FGF14: variants seen among roughly 807,000 people sequenced by gnomAD.
FGF14 encodes fibroblast growth factor 14, also known as fibroblast growth factor homologous factor 4.
FGF14 carries 5 observed loss-of-function variants against 25.5 expected under a neutral mutation model. The observed-to-expected ratio is 0.20, with a 90% confidence interval of 0.10 to 0.41. The LOEUF (loss-of-function observed/expected upper bound fraction) is 0.41, where lower values mean the gene tolerates loss of function less well. Ranked by LOEUF, FGF14 falls within the 10% of genes least tolerant of loss-of-function variation. The pLI is 1.00. For synonymous variants in FGF14, 138 were observed against 118.3 expected, an observed-to-expected ratio of 1.17 and a Z score of -1.08; for missense variants, 222 against 320.1, an observed-to-expected ratio of 0.69 and a Z score of 2.34.
At chr13:101,880,820 T>C (rs948842743) in intron 1 of FGF14, among the ~76,000 whole-genome samples, 1 of 152,222 alleles carries the variant, frequency 6.6e-6, no homozygotes, top group African/African-American at 2.4e-5. Context: ...ATAGTATTTA[T>C]TGAACCGAAT....
chr13:101,836,965 T>A (rs1202868397), intron 3 of FGF14, among the ~76,000 whole-genome samples: 2 of 152,120 alleles, frequency 1.3e-5, no homozygotes, highest in African/African-American at 4.8e-5. Flanking sequence ...AATTGATAGC[T>A]GAAGTTTATT....
rs146801909 is a variant in FGF14, at chr13:102,035,082, C to T, written c.209-159786G>A. On this transcript the variant is annotated intron_variant, in intron 1 of 4. Coordinates refer to the FGF14 transcript ENST00000376131. The stretch of plus-strand genomic sequence containing the variant: ...TGTATTTTAAGAACTTGAAATAATA[C>T]GGAGAAATCAAGTGAGGTTGTCTGA... 4.5e-3 allele frequency among the ~76,000 whole-genome samples: 684 copies of T among 152,104 alleles called. 1 individual carries two copies. Among genetic ancestry groups the T allele is most frequent in the Non-Finnish European group, 7.1e-3 (484 of 67,994 alleles).
rs73557472 is a variant in FGF14, at chr13:101,825,358, A to T, written c.408+43367T>A. On this transcript the variant is annotated intron_variant, in intron 3 of 4. Coordinates refer to ENST00000376143, the MANE Select transcript of FGF14 (RefSeq NM_004115.4). ...CAGAAGTAAAGATTCTTGAGAGTAT[A>T]CTAAGAGAAGAAATGGTTTGTTTCT... Among the ~76,000 whole-genome samples the T allele has an allele frequency of 9.8e-3, 1,499 of 152,338 alleles. 24 individuals carry two copies. Among genetic ancestry groups the T allele is most frequent in the African/African-American group, 0.035 (1,435 of 41,576 alleles).
At chr13:101,763,689 A>G (rs2038195641) in intron 3 of FGF14, among the ~76,000 whole-genome samples, 1 of 152,110 alleles carries the variant, frequency 6.6e-6, no homozygotes, top group Non-Finnish European at 1.5e-5. Context: ...GTGAAACCCC[A>G]TCTCTAGTGA....
At chr13:101,802,387 A>G (rs1033501015) in intron 3 of FGF14, 5 of 212,494 alleles carry the variant, frequency 2.4e-5, no homozygotes, top group Non-Finnish European at 3.8e-5. Context: ...GCCTGGAAAA[A>G]GGTGGAAGAG....
intron 1 of FGF14, among the ~76,000 whole-genome samples, chr13:102,349,810 T>C (rs1340894125): frequency 6.6e-6 from 1 of 152,242 alleles, no homozygotes; most frequent in Non-Finnish European, 1.5e-5. Flanking sequence ...GTACTTTCAC[T>C]ATATGGGAAA....
At chr13:102,006,727 C>CTTTTTTTTTTTTTTTTTTTTTTTTTTTTT (rs774872814) in intron 1 of FGF14, among the ~76,000 whole-genome samples, 2 of 61,948 alleles carry the variant, frequency 3.2e-5, no homozygotes, top group African/African-American at 1.4e-4. Context: ...AATCTTACTT[C>CTTTTTTTTTTTTTTTTTTTTTTTTTTTTT]TTTTTTTTTT....
chr13:102,167,604 C>T (rs2048070794), intron 1 of FGF14, among the ~76,000 whole-genome samples: 1 of 151,994 alleles, frequency 6.6e-6, no homozygotes, highest in African/African-American at 2.4e-5. Context: ...ATCATTCCAC[C>T]TAGATTAATT....
chr13:102,230,434 A>G (rs1327991244), intron 1 of FGF14, among the ~76,000 whole-genome samples: 1 of 152,210 alleles, frequency 6.6e-6, no homozygotes, highest in Non-Finnish European at 1.5e-5. Context: ...TGCAATTACA[A>G]AGTAAAATAA....
At chr13:101,882,909 GA>G in intron 1 of FGF14, among the ~76,000 whole-genome samples, 1 of 151,994 alleles carries the variant, frequency 6.6e-6, no homozygotes, top group Middle Eastern at 3.2e-3. Flanking sequence ...CTGCTTCTGG[GA>G]GGAGATGGGA....
chr13:102,250,386 T>C (rs1307033867), intron 1 of FGF14, among the ~76,000 whole-genome samples: 1 of 152,186 alleles, frequency 6.6e-6, no homozygotes, highest in African/African-American at 2.4e-5. Flanking sequence ...CATATGCTTT[T>C]GGAATTAAGT....
chr13:101,749,785 A>G (rs2037151693), intron 3 of FGF14, among the ~76,000 whole-genome samples: 1 of 152,138 alleles, frequency 6.6e-6, no homozygotes. Flanking sequence ...TTCCTATCAG[A>G]TAGTTTAAAA....
chr13:102,297,280 A>G (rs1439116097), intron 1 of FGF14, among the ~76,000 whole-genome samples: 1 of 152,172 alleles, frequency 6.6e-6, no homozygotes, highest in Non-Finnish European at 1.5e-5. Flanking sequence ...GCCATCAAAA[A>G]CAGGGAAAGT....
intron 1 of FGF14, among the ~76,000 whole-genome samples, chr13:102,397,331 C>A (rs775618647): frequency 6.6e-6 from 1 of 152,254 alleles, no homozygotes; most frequent in South Asian, 2.1e-4. Flanking sequence ...GGCAGCCAGA[C>A]AAGTAGGAAA....
intron 1 of FGF14, among the ~76,000 whole-genome samples, chr13:102,294,691 G>A (rs1284401930): frequency 6.6e-6 from 1 of 152,034 alleles, no homozygotes; most frequent in African/African-American, 2.4e-5. Flanking sequence ...TTTCTCCAGT[G>A]GTCAAAATAG....
At chr13:102,130,912 A>G (rs1240247847) in intron 1 of FGF14, among the ~76,000 whole-genome samples, 1 of 152,196 alleles carries the variant, frequency 6.6e-6, no homozygotes, top group Non-Finnish European at 1.5e-5. Context: ...AGGGCTGTTC[A>G]TAGTGTAAAT....
At chr13:101,824,598 C>T (rs1594385441) in intron 3 of FGF14, among the ~76,000 whole-genome samples, 2 of 152,108 alleles carry the variant, frequency 1.3e-5, no homozygotes, top group South Asian at 4.1e-4. Context: ...TGGTCTTAGT[C>T]CAGGCTTCCT....
chr13:102,114,879 T>C (rs1397990097), intron 1 of FGF14, among the ~76,000 whole-genome samples: 2 of 152,186 alleles, frequency 1.3e-5, no homozygotes, highest in African/African-American at 2.4e-5. Context: ...TCAGTCAAGA[T>C]GAATAGCTCC....
At chr13:101,808,583 T>C (rs1286796331) in intron 3 of FGF14, among the ~76,000 whole-genome samples, 1 of 152,094 alleles carries the variant, frequency 6.6e-6, no homozygotes, top group Non-Finnish European at 1.5e-5. Flanking sequence ...AAAACTAAAA[T>C]GAGCTATTAG....
Sources: gnomAD v4.1 joint callset for allele counts (sites outside exome capture counted in the v4.1 genomes callset) on GRCh38, gnomAD v4.1.1 for gene constraint, MANE v1.5 for transcripts, NCBI Gene and HGNC (gene_info 2026-07-23, HGNC 2026-07-21) for gene names.